RYR2: variants seen among roughly 807,000 people sequenced by gnomAD.
RYR2 encodes ryanodine receptor 2.
In RYR2, 227 loss-of-function variants were observed where a neutral mutation model predicts 601.1. The observed-to-expected ratio is 0.38, with a 90% CI of 0.34 to 0.42. The LOEUF is 0.42. Ranked by LOEUF, RYR2 falls within the 10% of genes least tolerant of loss-of-function variation. The pLI is 1.00. For synonymous variants in RYR2, 2,223 were observed against 2,175.1 expected (o/e 1.02, Z -0.61); for missense variants, 4,646 against 6,156.5 (o/e 0.75, Z 8.21).
At chr1:237,066,383 G>A (rs61831895) in intron 1 of RYR2, among the ~76,000 whole-genome samples, 1,619 of 152,240 alleles carry the variant, frequency 0.011, 14 homozygotes, top group Middle Eastern at 0.034. Context: ...AGTTATGTTT[G>A]GTTGGTTGTA....
At chr1:237,581,722 G>A (rs1203386480) in intron 29 of RYR2, among the ~76,000 whole-genome samples, 2 of 152,158 alleles carry the variant, frequency 1.3e-5, no homozygotes, top group African/African-American at 2.4e-5. Flanking sequence ...CCACCTGCCT[G>A]GCTTTACCAT....
intron 1 of RYR2, among the ~76,000 whole-genome samples, chr1:237,148,501 C>A (rs1674261768): frequency 9.0e-6 from 1 of 110,692 alleles, no homozygotes; most frequent in Non-Finnish European, 1.8e-5. Flanking sequence ...GCACATGTAT[C>A]CCAGAACTTC....
chr1:237,670,339 CGGGAGAGGGAGA>C (rs990744714), intron 58 of RYR2, among the ~76,000 whole-genome samples: 2 of 120,464 alleles, frequency 1.7e-5, no homozygotes, highest in Admixed American at 9.2e-5. Flanking sequence ...GAGAGGGAGA[CGGGAGAGGGAGA>C]GGGAGAGGGA....
chr1:237,078,540 A>G (rs1665258220), intron 1 of RYR2, among the ~76,000 whole-genome samples: 1 of 16,018 alleles, frequency 6.2e-5, no homozygotes, highest in African/African-American at 2.3e-4. Flanking sequence ...AAATGGATAC[A>G]TTCCTCGACA....
At chr1:237,342,883 G>T (rs1412404455) in intron 3 of RYR2, among the ~76,000 whole-genome samples, 1 of 152,152 alleles carries the variant, frequency 6.6e-6, no homozygotes, top group Non-Finnish European at 1.5e-5. Flanking sequence ...GAGACAAGAA[G>T]AACATATTGA....
intron 14 of RYR2, among the ~76,000 whole-genome samples, chr1:237,450,930 T>C (rs1268905276): frequency 6.6e-6 from 1 of 152,200 alleles, no homozygotes; most frequent in African/African-American, 2.4e-5. Context: ...ATTCTCCTTG[T>C]TTCTTTTCTA....
chr1:237,049,040 G>C (rs1013822270), intron 1 of RYR2, among the ~76,000 whole-genome samples: 4 of 152,190 alleles, frequency 2.6e-5, no homozygotes, highest in Admixed American at 2.0e-4. Flanking sequence ...GAGGACACCG[G>C]AGGTGTGTAG....
chr1:237,730,722 A>G (rs1272126115), intron 77 of RYR2, among the ~76,000 whole-genome samples: 1 of 152,204 alleles, frequency 6.6e-6, no homozygotes, highest in Non-Finnish European at 1.5e-5. Flanking sequence ...TAAATTAAGT[A>G]GAAGGTGAAC....
intron 1 of RYR2, among the ~76,000 whole-genome samples, chr1:237,113,452 C>T (rs1324947598): frequency 6.6e-6 from 1 of 152,076 alleles, no homozygotes; most frequent in African/African-American, 2.4e-5. Context: ...CCACCTGCCT[C>T]AGCCTCCAAA....
chr1:237,364,312 A>C, intron 4 of RYR2, 46 bp from the exon 5 acceptor site: 1 of 1,546,854 alleles, frequency 6.5e-7, no homozygotes, highest in Non-Finnish European at 8.8e-7. Flanking sequence ...AGTCTTTGAG[A>C]TCGTGTCTAT....
chr1:237,685,583 T>C (rs145176817), intron 62 of RYR2, among the ~76,000 whole-genome samples: 1 of 152,226 alleles, frequency 6.6e-6, no homozygotes, highest in Non-Finnish European at 1.5e-5. Flanking sequence ...GTAAAATACA[T>C]GACTTAAAAT....
intron 22 of RYR2, among the ~76,000 whole-genome samples, chr1:237,505,235 G>T (rs1195281509): frequency 6.6e-6 from 1 of 152,156 alleles, no homozygotes; most frequent in African/African-American, 2.4e-5. Flanking sequence ...AATGTTAGCT[G>T]TTGTTCCTCT....
chr1:237,254,346 G>T (rs1249135929), intron 1 of RYR2, among the ~76,000 whole-genome samples: 2 of 152,118 alleles, frequency 1.3e-5, no homozygotes, highest in Non-Finnish European at 2.9e-5. Context: ...AATAGATTTT[G>T]GATAGAGAGA....
intron 1 of RYR2, among the ~76,000 whole-genome samples, chr1:237,196,008 G>C (rs1171927423): frequency 6.6e-6 from 1 of 152,120 alleles, no homozygotes; most frequent in Non-Finnish European, 1.5e-5. Context: ...AAAACATTTG[G>C]GTATTGAAGA....
At chr1:237,773,693 A>G in intron 87 of RYR2, 45 bp downstream of exon 87, 1 of 1,542,996 alleles carries the variant, frequency 6.5e-7, no homozygotes, top group South Asian at 1.2e-5. Flanking sequence ...TGAACTCCAT[A>G]GAAAAATGCA....
intron 100 of RYR2, among the ~76,000 whole-genome samples, chr1:237,815,276 A>G (rs758601928): frequency 3.7e-4 from 57 of 152,124 alleles, no homozygotes; most frequent in Non-Finnish European, 7.6e-4. Context: ...GGCTGATTCT[A>G]TGAAAAGAAA....
intron 1 of RYR2, among the ~76,000 whole-genome samples, chr1:237,088,998 A>C (rs894387844): frequency 1.6e-4 from 25 of 152,196 alleles, no homozygotes; most frequent in African/African-American, 5.1e-4. Context: ...CCAAACCCAC[A>C]TGGGTCCCAT....
chr1:237,677,490 T>C (rs997697023), intron 60 of RYR2, among the ~76,000 whole-genome samples: 5 of 152,160 alleles, frequency 3.3e-5, no homozygotes, highest in Admixed American at 2.0e-4. Context: ...CTTTATGCTT[T>C]AGTGGAATGC....
At chr1:237,118,689 C>A (rs749982597) in intron 1 of RYR2, among the ~76,000 whole-genome samples, 2 of 151,934 alleles carry the variant, frequency 1.3e-5, no homozygotes, top group Admixed American at 1.3e-4. Flanking sequence ...CTGCAACCTC[C>A]GCCTCCCGGA....
Sources: gnomAD v4.1 joint callset for allele counts (sites outside exome capture counted in the v4.1 genomes callset) on GRCh38, gnomAD v4.1.1 for gene constraint, MANE v1.5 for transcripts, NCBI Gene and HGNC (gene_info 2026-07-23, HGNC 2026-07-21) for gene names.